The following REDIC1 variants were observed in gnomAD, a reference collection of about 807,000 sequenced individuals.
REDIC1 encodes regulator of DNA class I crossover intermediates 1, also known as HEI10 Interacting Protein 1.
At chr12:39,648,041 C>A in the REDIC1 span, 1 of 1,124,818 alleles carries the variant, frequency 8.9e-7, no homozygotes, top group South Asian at 2.4e-5. Context: ...CTCTTTTTTT[C>A]TTTTTATAGA....
chr12:39,885,425 T>G, the REDIC1 span, among the ~76,000 whole-genome samples: 1 of 152,170 alleles, frequency 6.6e-6, no homozygotes, highest in Non-Finnish European at 1.5e-5. Context: ...AGAGAATCTC[T>G]GTACCAAATA....
chr12:39,685,447 C>T, the REDIC1 span, among the ~76,000 whole-genome samples: 8 of 152,046 alleles, frequency 5.3e-5, no homozygotes, highest in Non-Finnish European at 1.2e-4. Flanking sequence ...TTTTAAATGA[C>T]CAGATCACAG....
the REDIC1 span, among the ~76,000 whole-genome samples, chr12:39,680,789 C>T: frequency 6.6e-6 from 1 of 152,038 alleles, no homozygotes; most frequent in African/African-American, 2.4e-5. Context: ...CACACACACT[C>T]TCTCACACAC....
chr12:39,829,424 T>TTTTTTTTTTG, the REDIC1 span: 1 of 127,956 alleles, frequency 7.8e-6, no homozygotes, highest in African/African-American at 3.0e-5. Flanking sequence ...TTCTTTTTTT[T>TTTTTTTTTTG]GAGGCAGAGT....
chr12:39,907,249 T>G, the REDIC1 span, among the ~76,000 whole-genome samples: 1 of 152,136 alleles, frequency 6.6e-6, no homozygotes, highest in African/African-American at 2.4e-5. Context: ...TATTTTCACT[T>G]CCATGATAAT....
the REDIC1 span, chr12:39,756,955 TAC>T: frequency 6.6e-6 from 1 of 151,520 alleles, no homozygotes; most frequent in Non-Finnish European, 1.5e-5. Context: ...ATGGACACAT[TAC>T]CTTTTATTAT....
At chr12:39,712,444 G>GTATA in the REDIC1 span, among the ~76,000 whole-genome samples, 1,168 of 45,664 alleles carry the variant, frequency 0.026, 18 homozygotes, top group African/African-American at 0.052. Context: ...ATACGTATAT[G>GTATA]TATACATACG....
At chr12:39,733,935 G>A in the REDIC1 span, among the ~76,000 whole-genome samples, 1 of 152,194 alleles carries the variant, frequency 6.6e-6, no homozygotes, top group Non-Finnish European at 1.5e-5. Context: ...TGGCATTCCA[G>A]GCGCTACTGG....
the REDIC1 span, among the ~76,000 whole-genome samples, chr12:39,664,584 T>C: frequency 6.6e-6 from 1 of 152,228 alleles, no homozygotes; most frequent in Non-Finnish European, 1.5e-5. Flanking sequence ...CCTTTGGGTA[T>C]ATACCCAGTA....
the REDIC1 span, chr12:39,684,717 G>A: frequency 3.5e-6 from 2 of 572,134 alleles, no homozygotes; most frequent in Admixed American, 3.5e-5. Context: ...TAATAGGTGG[G>A]CTCCTTGGCA....
At chr12:39,716,787 T>C in the REDIC1 span, 1 of 1,603,600 alleles carries the variant, frequency 6.2e-7, no homozygotes. Context: ...GTCGGTCTAC[T>C]AGTTACTCTC....
chr12:39,667,242 G>A, the REDIC1 span, among the ~76,000 whole-genome samples: 3 of 152,148 alleles, frequency 2.0e-5, no homozygotes, highest in African/African-American at 7.2e-5. Context: ...CTTTGAATGT[G>A]TCCCAGAGAT....
the REDIC1 span, among the ~76,000 whole-genome samples, chr12:39,679,998 T>TA: frequency 1.3e-5 from 2 of 152,016 alleles, no homozygotes; most frequent in African/African-American, 4.8e-5. Flanking sequence ...TCAAGATTGA[T>TA]AAAAAACTTT....
At chr12:39,727,068 C>T in the REDIC1 span, among the ~76,000 whole-genome samples, 1 of 152,090 alleles carries the variant, frequency 6.6e-6, no homozygotes, top group Non-Finnish European at 1.5e-5. Context: ...GATATTAGCC[C>T]TTTGTCAGAT....
the REDIC1 span, among the ~76,000 whole-genome samples, chr12:39,747,883 A>AT: frequency 6.6e-6 from 1 of 152,142 alleles, no homozygotes; most frequent in Non-Finnish European, 1.5e-5. Context: ...ATGCTGAGAG[A>AT]TTTTGTCACC....
chr12:39,646,395 A>G, the REDIC1 span: 7 of 1,479,846 alleles, frequency 4.7e-6, no homozygotes, highest in Non-Finnish European at 6.3e-6. Flanking sequence ...AGAAAGCATA[A>G]TTTAGAACTT....
the REDIC1 span, chr12:39,683,506 G>T: frequency 6.6e-7 from 1 of 1,515,740 alleles, no homozygotes; most frequent in Non-Finnish European, 9.1e-7. Flanking sequence ...GGTAAATCTG[G>T]GGAATACAAA....
At chr12:39,687,798 C>T in the REDIC1 span, among the ~76,000 whole-genome samples, 1 of 152,138 alleles carries the variant, frequency 6.6e-6, no homozygotes, top group Non-Finnish European at 1.5e-5. Context: ...GTTATAATCC[C>T]TTGCCATCAT....
chr12:39,691,072 C>A, the REDIC1 span, among the ~76,000 whole-genome samples: 1 of 152,056 alleles, frequency 6.6e-6, no homozygotes, highest in African/African-American at 2.4e-5. Context: ...GTTATTCAGG[C>A]CCTAAACTGG....
Sources: allele counts gnomAD v4.1 joint callset (sites outside exome capture counted in the v4.1 genomes callset), GRCh38; gene constraint gnomAD v4.1.1; transcripts MANE v1.5; gene names NCBI Gene and HGNC (gene_info 2026-07-23, HGNC 2026-07-21).